CNTLN: variants seen among roughly 807,000 people sequenced by gnomAD.
CNTLN encodes centlein, centrosomal protein.
Under a neutral mutation model 180.0 loss-of-function variants are expected in CNTLN, and 212 were observed. The ratio of observed to expected loss-of-function variants is 1.18; its 90% CI spans 1.05 to 1.32. The LOEUF (loss-of-function observed/expected upper bound fraction) is 1.32. Ranked by LOEUF, CNTLN falls within the 40% of genes most tolerant of loss-of-function variation. The pLI is 0.00. For missense variants in CNTLN, 2,095 were observed against 1,610.9 expected (o/e 1.30, Z -5.14); for synonymous variants, 722 against 563.1 (o/e 1.28, Z -3.99).
At chr9:17,310,241 T>G (rs1302253005) in intron 8 of CNTLN, among the ~76,000 whole-genome samples, 1 of 152,146 alleles carries the variant, frequency 6.6e-6, no homozygotes, top group Non-Finnish European at 1.5e-5. Context: ...CCAAACTTCT[T>G]ATCATTTTGA....
chr9:17,200,919 AG>A (rs774838782), intron 2 of CNTLN, among the ~76,000 whole-genome samples: 13 of 152,200 alleles, frequency 8.5e-5, no homozygotes, highest in Non-Finnish European at 1.5e-4. Context: ...TGGTTTTCAA[AG>A]GGAATGTTTC....
chr9:17,506,406 C>T (rs1350691994), downstream of CNTLN, among the ~76,000 whole-genome samples: 3 of 152,082 alleles, frequency 2.0e-5, no homozygotes, highest in African/African-American at 4.8e-5. Flanking sequence ...TAAACAACAA[C>T]AAGGCAGTCC....
intron 2 of CNTLN, among the ~76,000 whole-genome samples, chr9:17,199,826 A>G (rs1822401822): frequency 5.3e-5 from 8 of 152,074 alleles, no homozygotes; most frequent in Admixed American, 5.2e-4. Flanking sequence ...TTTCCTGTGC[A>G]TAAGTTTTTA....
At chr9:17,457,492 A>G (rs993184774) in intron 18 of CNTLN, 32 bp from the exon 19 acceptor site, 1 of 1,153,218 alleles carries the variant, frequency 8.7e-7, no homozygotes, top group Non-Finnish European at 1.1e-6. Context: ...TTTAAAATAT[A>G]TTTATATTTA....
At chr9:17,257,557 C>G (rs1046488410) in intron 5 of CNTLN, among the ~76,000 whole-genome samples, 4 of 151,582 alleles carry the variant, frequency 2.6e-5, no homozygotes, top group Admixed American at 2.0e-4. Context: ...GCCACACTGA[C>G]TTCCACAATG....
At chr9:17,291,870 G>A (rs1829435021) in intron 6 of CNTLN, among the ~76,000 whole-genome samples, 1 of 152,078 alleles carries the variant, frequency 6.6e-6, no homozygotes, top group Admixed American at 6.6e-5. Flanking sequence ...TATCAGACTT[G>A]GTGATGTAGT....
intron 8 of CNTLN, 63 bp downstream of exon 8, chr9:17,309,315 T>C: frequency 1.6e-6 from 2 of 1,267,648 alleles, no homozygotes; most frequent in Non-Finnish European, 2.1e-6. Flanking sequence ...CTCCTACAAT[T>C]GACTAAAACA....
chr9:17,330,944 C>T, intron 9 of CNTLN, 136 bp downstream of exon 9: 7 of 717,184 alleles, frequency 9.8e-6, no homozygotes, highest in Non-Finnish European at 1.3e-5. Flanking sequence ...ATGTACCGAA[C>T]TCTTGTTAAA....
In CNTLN at chr9:17,233,875, A is replaced by G. The variant is rs550384516; in HGVS notation, c.535-1783A>G. On this transcript the variant is annotated intron_variant, in intron 3 of 25. Coordinates refer to ENST00000380647, the MANE Select transcript of CNTLN (RefSeq NM_017738.4). ...GACATATATCTGTCTTTGAACTATAAAGAAAAGCAAGGCAAAGATAAGAAT... is the reference window on the plus strand; with the variant it reads ...GACATATATCTGTCTTTGAACTATAGAGAAAAGCAAGGCAAAGATAAGAAT... 1.3e-4 allele frequency among the ~76,000 whole-genome samples: 20 copies of G among 152,260 alleles called. No individual in the cohort carries two copies. In the Middle Eastern group the frequency reaches 0.024, roughly 181 times the overall value.
intron 7 of CNTLN, chr9:17,298,728 T>C (rs679666): frequency 0.15 from 146,360 of 990,118 alleles, 12,516 homozygotes; most frequent in African/African-American, 0.35. Flanking sequence ...ATTGTAAAAT[T>C]TGTACATTAT....
At chr9:17,526,556 G>A in the CNTLN span, among the ~76,000 whole-genome samples, 5 of 152,132 alleles carry the variant, frequency 3.3e-5, no homozygotes, top group African/African-American at 1.2e-4. Context: ...CAATAAGTGT[G>A]CACCAAAATA....
At position 17,416,229 on chromosome 9, in the gene CNTLN, T is replaced by G. The variant is rs1254326575; in HGVS notation, c.3114+40T>G. ...AAGATTGAACAGTAGTATACTATAT[T>G]GTAAAAGTGGATATTTTGTTTTACA... On this transcript the variant is annotated intron_variant, in intron 18 of 25. Coordinates refer to ENST00000380647, the MANE Select transcript of CNTLN (RefSeq NM_017738.4). 3 of 1,463,494 alleles carry G rather than the reference T, an allele frequency of 2.0e-6. No homozygotes were observed. The Admixed American group carries it at 6.1e-5, about 30-fold the overall frequency. The allele number at this position is 1,463,494 out of a possible 1,614,324, so 90.7% of individuals were successfully genotyped here. A position where few individuals can be genotyped will look rare whatever the true frequency, so the allele number is the denominator to read the frequency against.
Position 17,503,401 on chromosome 9 carries a change from G to C in CNTLN, c.*749G>C, listed in dbSNP as rs1284756074. On this transcript the variant is annotated 3_prime_UTR_variant, in exon 26 of 26. Transcript: ENST00000380647. ...TTAACCATGATGTCATCCTTATTTA[G>C]ATTCCTGGACATTCCCACCTCATTT... is the stretch of plus-strand genomic sequence containing the variant. 6.6e-6 allele frequency: 1 copy of C among 152,124 alleles called. No homozygotes were observed. Among genetic ancestry groups the C allele is most frequent in the Non-Finnish European group, 1.5e-5 (1 of 68,046 alleles). The allele number at this position is 152,124 out of a possible 1,614,324, so 9.4% of individuals were successfully genotyped here.
chr9:17,474,365 C>G (rs1341235773), intron 23 of CNTLN, among the ~76,000 whole-genome samples: 2 of 152,172 alleles, frequency 1.3e-5, no homozygotes, highest in Non-Finnish European at 2.9e-5. Context: ...AATCTGTAAT[C>G]ATCTTCGGCT....
chr9:17,461,143 A>T (rs1260326363), intron 19 of CNTLN, among the ~76,000 whole-genome samples: 1 of 151,486 alleles, frequency 6.6e-6, no homozygotes, highest in Non-Finnish European at 1.5e-5. Context: ...AATACATATT[A>T]GTATATCATA....
chr9:17,314,668 G>C (rs922706193), intron 8 of CNTLN, among the ~76,000 whole-genome samples: 7 of 152,208 alleles, frequency 4.6e-5, no homozygotes, highest in Admixed American at 4.6e-4. Flanking sequence ...TGTGGGCCTT[G>C]CTAAGGTAAA....
At chr9:17,220,150 T>C (rs990269609) in intron 2 of CNTLN, among the ~76,000 whole-genome samples, 12 of 152,056 alleles carry the variant, frequency 7.9e-5, no homozygotes, top group African/African-American at 2.7e-4. Context: ...CTAACCTGGG[T>C]GATGATGATG....
At chr9:17,346,381 C>T (rs1821898247) in intron 12 of CNTLN, among the ~76,000 whole-genome samples, 1 of 152,156 alleles carries the variant, frequency 6.6e-6, no homozygotes, top group African/African-American at 2.4e-5. Context: ...TCACCTCCCA[C>T]TAGGTCTCTC....
chr9:17,252,943 A>G (rs1041351900), intron 5 of CNTLN, among the ~76,000 whole-genome samples: 1 of 151,590 alleles, frequency 6.6e-6, no homozygotes, highest in African/African-American at 2.4e-5. Context: ...TATTTGTTGT[A>G]TGGTGAGAGA....
Sources: allele counts gnomAD v4.1 joint callset (sites outside exome capture counted in the v4.1 genomes callset), GRCh38; gene constraint gnomAD v4.1.1; transcripts MANE v1.5; gene names NCBI Gene and HGNC (gene_info 2026-07-23, HGNC 2026-07-21).